RAB3B: variants seen among roughly 807,000 people sequenced by gnomAD.
RAB3B encodes the protein ras-related protein Rab-3B.
RAB3B carries 11 observed loss-of-function variants against 20.5 expected under a neutral mutation model. That is an observed-to-expected ratio of 0.54 (90% CI 0.34 to 0.89). RAB3B has a LOEUF of 0.89. RAB3B is among the 40% of genes least tolerant of loss of function. RAB3B has a pLI of 0.02. For synonymous variants in RAB3B, 99 were observed against 106.3 expected, an observed-to-expected ratio of 0.93 and a Z score of 0.42; for missense variants, 225 against 280.9, an observed-to-expected ratio of 0.80 and a Z score of 1.42.
In RAB3B at chr1:51,912,118, T is replaced by C. The variant is rs1223643246; in HGVS notation, c.*7809A>G. 1 of 148,702 alleles carries C rather than the reference T, an allele frequency of 6.7e-6. No individual in the cohort carries two copies. Among genetic ancestry groups the C allele is most frequent in the Non-Finnish European group, 1.5e-5 (1 of 67,782 alleles). 9.2% of individuals were successfully genotyped at this position (148,702 alleles called of 1,614,324 possible). ...TTTCTTCTTTTTTTTCTTTCTTTCT[T>C]TCTTTTTTTTTTTTTTTTGAGAGGG... On this transcript the variant is annotated 3_prime_UTR_variant, in exon 5 of 5. Transcript: ENST00000371655.
At chr1:51,965,618 G>A (rs1487686963) in intron 2 of RAB3B, among the ~76,000 whole-genome samples, 5 of 150,906 alleles carry the variant, frequency 3.3e-5, no homozygotes, top group African/African-American at 1.2e-4. Flanking sequence ...CTGCACTCCA[G>A]CCTGGGCAAC....
intron 2 of RAB3B, among the ~76,000 whole-genome samples, chr1:51,960,409 GC>G (rs553317101): frequency 7.7e-4 from 117 of 152,292 alleles, no homozygotes; most frequent in African/African-American, 2.7e-3. Flanking sequence ...TCAGCACAGA[GC>G]CCCTGCGTCA....
chr1:51,934,527 T>A (rs527625141), intron 3 of RAB3B, among the ~76,000 whole-genome samples: 2 of 152,266 alleles, frequency 1.3e-5, no homozygotes, highest in South Asian at 4.1e-4. Context: ...ATCCCAGCAC[T>A]TTGTGAGGCC....
chr1:51,982,816 G>A (rs1455359743), intron 1 of RAB3B, among the ~76,000 whole-genome samples: 1 of 151,948 alleles, frequency 6.6e-6, no homozygotes, highest in Non-Finnish European at 1.5e-5. Context: ...AATTTTTTAA[G>A]TTTATAAGGT....
intron 1 of RAB3B, among the ~76,000 whole-genome samples, chr1:51,984,036 G>A (rs142855652): frequency 0.037 from 5,658 of 151,254 alleles, 379 homozygotes; most frequent in African/African-American, 0.13. Flanking sequence ...AGGCTGAGGC[G>A]GGTGAATCAC....
chr1:51,980,403 G>A lies in RAB3B; in HGVS notation c.1-3286C>T, dbSNP rs145209281. 1,981 of 418,374 alleles carry A rather than the reference G, an allele frequency of 4.7e-3. 48 individuals are homozygous for A. Among genetic ancestry groups the A allele is most frequent in the African/African-American group, 0.038 (1,842 of 48,134 alleles). 25.9% of individuals were successfully genotyped at this position (418,374 alleles called of 1,614,324 possible). On this transcript the variant is annotated intron_variant, in intron 1 of 4. Coordinates refer to ENST00000371655, the MANE Select transcript of RAB3B (RefSeq NM_002867.4). ...TGATTGTGCCACTGCACTCCAGCTT[G>A]GGCAACAGAGCAAGACTGTCTCTAC...
At chr1:51,988,134 G>C (rs184948879) in intron 1 of RAB3B, among the ~76,000 whole-genome samples, 26 of 152,208 alleles carry the variant, frequency 1.7e-4, no homozygotes, top group Middle Eastern at 3.4e-3. Flanking sequence ...CTGTTCAAAG[G>C]TCAACTGTAT....
chr1:51,943,160 G>T (rs1557967831), intron 2 of RAB3B, among the ~76,000 whole-genome samples: 1 of 152,154 alleles, frequency 6.6e-6, no homozygotes, highest in Non-Finnish European at 1.5e-5. Flanking sequence ...GAGGCAGGTG[G>T]ACCACTTGAG....
intron 4 of RAB3B, among the ~76,000 whole-genome samples, chr1:51,924,218 T>C (rs1684213275): frequency 6.6e-6 from 1 of 152,088 alleles, no homozygotes; most frequent in South Asian, 2.1e-4. Flanking sequence ...GACAGCAAGG[T>C]GAATCAGACA....
intron 4 of RAB3B, among the ~76,000 whole-genome samples, chr1:51,924,189 C>A (rs182301082): frequency 3.9e-5 from 6 of 152,244 alleles, no homozygotes; most frequent in Non-Finnish European, 8.8e-5. Flanking sequence ...GCTCAATGAG[C>A]ACGGTGCTGG....
Position 51,937,490 on chromosome 1 carries a change from A to G in RAB3B, c.229-78T>C, listed in dbSNP as rs148740258. The G allele has an allele frequency of 5.0e-4, 481 of 962,106 alleles. 1 individual carries two copies. In the African/African-American group the frequency reaches 7.7e-3, roughly 15 times the overall value. 59.6% of individuals were successfully genotyped at this position (962,106 alleles called of 1,614,324 possible). A position where few individuals can be genotyped will look rare whatever the true frequency, so the allele number is the denominator to read the frequency against. ...AAAAAGTCCCCAGGACAATTAACTAATAACCCAAGACATTTTTTTTTTTTG... is the reference window on the plus strand; with the variant it reads ...AAAAAGTCCCCAGGACAATTAACTAGTAACCCAAGACATTTTTTTTTTTTG... On this transcript the variant is annotated intron_variant, in intron 2 of 4. Transcript: ENST00000371655.
At chr1:51,947,061 A>T (rs755974988) in intron 2 of RAB3B, among the ~76,000 whole-genome samples, 1 of 152,170 alleles carries the variant, frequency 6.6e-6, no homozygotes, top group Non-Finnish European at 1.5e-5. Context: ...CATGGAAGTT[A>T]AGTAAATTGC....
chr1:51,953,344 G>A (rs778423286), intron 2 of RAB3B, among the ~76,000 whole-genome samples: 2 of 152,146 alleles, frequency 1.3e-5, no homozygotes, highest in Non-Finnish European at 2.9e-5. Flanking sequence ...TGTGGGGAGA[G>A]AAGTGAGGTG....
At position 51,983,913 on chromosome 1, in the gene RAB3B, T is replaced by C. The variant is rs952316275; in HGVS notation, c.-1+6639A>G. Among the ~76,000 whole-genome samples the C allele has an allele frequency of 2.6e-5, 4 of 151,938 alleles. No individual in the cohort carries two copies. In the South Asian group the frequency reaches 6.2e-4, roughly 24 times the overall value. On this transcript the variant is annotated intron_variant, in intron 1 of 4. Transcript: ENST00000371655. ...AGGCGGAGGCTGCAGTGAGTCAAGATTGCACAACTACACTCCAGTCTGGGT... is the reference window on the plus strand; with the variant it reads ...AGGCGGAGGCTGCAGTGAGTCAAGACTGCACAACTACACTCCAGTCTGGGT...
At chr1:51,934,049 A>C (rs1316014582) in intron 3 of RAB3B, among the ~76,000 whole-genome samples, 1 of 152,128 alleles carries the variant, frequency 6.6e-6, no homozygotes, top group Non-Finnish European at 1.5e-5. Flanking sequence ...CTGGGCAGAG[A>C]GGTCTTTCTA....
At position 51,933,468 on chromosome 1, in the gene RAB3B, T is replaced by C. The variant is rs1468555529; in HGVS notation, c.348-26A>G. On this transcript the variant is annotated intron_variant, in intron 3 of 4. Coordinates refer to ENST00000371655, the MANE Select transcript of RAB3B (RefSeq NM_002867.4). ...CTAAAATGAGATAGAAAGAGATATG[T>C]TAATCATATTCCTATAGACTGAATG... 3 of 1,599,432 alleles carry C rather than the reference T, an allele frequency of 1.9e-6. No individual in the cohort carries two copies. The African/African-American group carries it at 4.0e-5, about 21-fold the overall frequency.
chr1:51,943,351 T>C (rs1392416790), intron 2 of RAB3B, among the ~76,000 whole-genome samples: 2 of 152,026 alleles, frequency 1.3e-5, no homozygotes, highest in East Asian at 3.9e-4. Flanking sequence ...ACCACTGCAC[T>C]CCAGCCTGGG....
In RAB3B at chr1:51,919,874, A is replaced by T. The variant is rs1212550591; in HGVS notation, c.*53T>A. On this transcript the variant is annotated 3_prime_UTR_variant, in exon 5 of 5. Transcript: ENST00000371655. ...GAGCGGACAGTGTGTAACAGGGAGA[A>T]GCAGACTGGGTGTGGGGCCACAATG... is the stretch of plus-strand genomic sequence containing the variant. The T allele has an allele frequency of 6.5e-6, 10 of 1,537,484 alleles. No individual in the cohort carries two copies. The highest frequency in any genetic ancestry group is 1.2e-5 in the South Asian group (1 of 82,948).
intron 1 of RAB3B, among the ~76,000 whole-genome samples, chr1:51,981,827 G>A (rs565108634): frequency 1.3e-5 from 2 of 152,278 alleles, no homozygotes; most frequent in South Asian, 4.1e-4. Context: ...TGATGCTGGT[G>A]TAAACAAACC....
Sources: allele counts gnomAD v4.1 joint callset (sites outside exome capture counted in the v4.1 genomes callset), GRCh38; gene constraint gnomAD v4.1.1; transcripts MANE v1.5; gene names NCBI Gene and HGNC (gene_info 2026-07-23, HGNC 2026-07-21).